The following OSBPL9 variants were observed in gnomAD, a reference collection of about 807,000 sequenced individuals.
OSBPL9 encodes the protein oxysterol binding protein like 9, also known as oxysterol-binding protein-related protein 9.
In OSBPL9, 40 loss-of-function variants were observed where a neutral mutation model predicts 106.6. The observed-to-expected ratio is 0.38, with a 90% CI of 0.29 to 0.49. OSBPL9 has a LOEUF of 0.49. Ranked by LOEUF, OSBPL9 falls within the 20% of genes least tolerant of loss-of-function variation. OSBPL9 has a pLI of 0.97. For missense variants in OSBPL9, 609 were observed against 887.2 expected (o/e 0.69, Z 3.98); for synonymous variants, 269 against 295.4 (o/e 0.91, Z 0.92).
the OSBPL9 span, among the ~76,000 whole-genome samples, chr1:51,564,052 C>CAAA: frequency 0.044 from 1,197 of 27,366 alleles, 83 homozygotes; most frequent in South Asian, 0.1. Context: ...GAGATCATCT[C>CAAA]AAAAAAAAAA....
chr1:51,578,078 T>C (rs1645197134), intron 1 of OSBPL9, among the ~76,000 whole-genome samples: 1 of 152,234 alleles, frequency 6.6e-6, no homozygotes, highest in Admixed American at 6.5e-5. Flanking sequence ...ATAACTATTC[T>C]GCTGACCGTT....
chr1:51,723,428 C>T (rs781582758), intron 4 of OSBPL9, among the ~76,000 whole-genome samples: 12 of 152,152 alleles, frequency 7.9e-5, no homozygotes, highest in African/African-American at 1.4e-4. Context: ...GGCTTCTTTC[C>T]GTTAGTAATA....
intron 2 of OSBPL9, among the ~76,000 whole-genome samples, chr1:51,598,505 G>C (rs1645313333): frequency 6.6e-6 from 1 of 152,224 alleles, no homozygotes; most frequent in South Asian, 2.1e-4. Flanking sequence ...ATGCTTAGCA[G>C]TGTCTCTGGC....
chr1:51,520,236 G>A, the OSBPL9 span, among the ~76,000 whole-genome samples: 1 of 152,156 alleles, frequency 6.6e-6, no homozygotes, highest in Non-Finnish European at 1.5e-5. Flanking sequence ...TAGCATTACA[G>A]TGCATGCTCA....
the OSBPL9 span, chr1:51,562,088 A>G: frequency 1.3e-5 from 2 of 152,200 alleles, no homozygotes; most frequent in Non-Finnish European, 2.9e-5. Context: ...TTCTGATCTC[A>G]TGCAATCAGA....
chr1:51,633,950 A>G (rs142628096), intron 1 of OSBPL9, among the ~76,000 whole-genome samples: 2,873 of 152,266 alleles, frequency 0.019, 32 homozygotes, highest in Non-Finnish European at 0.027. Context: ...ACAGTTTTTC[A>G]TTGCAAACAT....
the OSBPL9 span, among the ~76,000 whole-genome samples, chr1:51,554,144 T>C: frequency 6.6e-6 from 1 of 152,262 alleles, no homozygotes; most frequent in African/African-American, 2.4e-5. Context: ...ACAGGAAGAC[T>C]CTGTCTCTTA....
At chr1:51,787,256 A>G in intron 22 of OSBPL9, 97 bp from the exon 23 acceptor site, 1 of 1,202,862 alleles carries the variant, frequency 8.3e-7, no homozygotes, top group Non-Finnish European at 1.2e-6. Context: ...TGTGACCTAC[A>G]GCACTTAAAG....
intron 1 of OSBPL9, chr1:51,583,619 C>G (rs1645232905): frequency 6.6e-6 from 1 of 152,250 alleles, no homozygotes; most frequent in Non-Finnish European, 1.5e-5. Context: ...TCGGTTCGGG[C>G]ATCAGTCCAG....
chr1:51,558,825 C>T, the OSBPL9 span, among the ~76,000 whole-genome samples: 1 of 152,082 alleles, frequency 6.6e-6, no homozygotes, highest in Non-Finnish European at 1.5e-5. Context: ...TCAGATGAAC[C>T]CATTGGGTGA....
intron 3 of OSBPL9, among the ~76,000 whole-genome samples, chr1:51,712,061 C>T (rs547966988): frequency 0.037 from 5,527 of 150,964 alleles, 229 homozygotes; most frequent in East Asian, 0.11. Flanking sequence ...CCAAGGCAGG[C>T]GGCTGGGAGG....
At chr1:51,545,196 C>A in the OSBPL9 span, among the ~76,000 whole-genome samples, 1 of 152,116 alleles carries the variant, frequency 6.6e-6, no homozygotes, top group Non-Finnish European at 1.5e-5. Context: ...ATAAACCAGG[C>A]AAATGTGAAC....
rs1678181714 is a variant in OSBPL9, at chr1:51,788,257, T to C, written c.*468T>C. 6.5e-6 allele frequency: 1 copy of C among 153,452 alleles called. No homozygotes were observed. Among genetic ancestry groups the C allele is most frequent in the African/African-American group, 2.4e-5 (1 of 41,464 alleles). 9.5% of individuals were successfully genotyped at this position (153,452 alleles called of 1,614,324 possible). ...AGATTTTTTTCATAAATATTCTGCC[T>C]ACTGTAAATATGGGTTCCTCTGAGT... On this transcript the variant is annotated 3_prime_UTR_variant, in exon 24 of 24. Coordinates refer to ENST00000428468, the MANE Select transcript of OSBPL9 (RefSeq NM_024586.6).
chr1:51,738,441 G>A (rs1666187245), intron 4 of OSBPL9, among the ~76,000 whole-genome samples: 1 of 151,868 alleles, frequency 6.6e-6, no homozygotes. Flanking sequence ...ACTAACATAT[G>A]TTCAAAAATT....
At chr1:51,585,175 TA>T (rs11381242) in intron 1 of OSBPL9, among the ~76,000 whole-genome samples, 38 of 140,978 alleles carry the variant, frequency 2.7e-4, no homozygotes, top group Middle Eastern at 3.6e-3. Context: ...CCCCATCTCT[TA>T]AAAAAAAAAA....
At chr1:51,687,077 T>C (rs992159994) in intron 3 of OSBPL9, among the ~76,000 whole-genome samples, 1 of 152,244 alleles carries the variant, frequency 6.6e-6, no homozygotes, top group African/African-American at 2.4e-5. Flanking sequence ...CTGCTGCTGT[T>C]ACTCTGTATG....
At position 51,788,278 on chromosome 1, in the gene OSBPL9, T is replaced by A. The variant is rs1242251906; in HGVS notation, c.*489T>A. 6.5e-6 allele frequency: 1 copy of A among 153,084 alleles called. No homozygotes were observed. Among genetic ancestry groups the A allele is most frequent in the East Asian group, 1.9e-4 (1 of 5,206 alleles). 9.5% of individuals were successfully genotyped at this position (153,084 alleles called of 1,614,324 possible). On this transcript the variant is annotated 3_prime_UTR_variant, in exon 24 of 24. Transcript: ENST00000428468. ...TGCCTACTGTAAATATGGGTTCCTC[T>A]GAGTTGTTTTAGAAAATTAGCGCAA...
intron 4 of OSBPL9, among the ~76,000 whole-genome samples, chr1:51,721,305 G>A (rs193069959): frequency 6.6e-6 from 1 of 152,202 alleles, no homozygotes; most frequent in East Asian, 1.9e-4. Context: ...GAGTCTGTGA[G>A]TAAAACATCA....
chr1:51,748,884 C>T (rs1668604334), intron 7 of OSBPL9, among the ~76,000 whole-genome samples: 1 of 151,952 alleles, frequency 6.6e-6, no homozygotes, highest in Admixed American at 6.6e-5. Context: ...TTGGGAGTTC[C>T]AGACCAGACT....
Sources: gnomAD v4.1 joint callset for allele counts (sites outside exome capture counted in the v4.1 genomes callset) on GRCh38, gnomAD v4.1.1 for gene constraint, MANE v1.5 for transcripts, NCBI Gene and HGNC (gene_info 2026-07-23, HGNC 2026-07-21) for gene names.